RYR2: variants seen among roughly 807,000 people sequenced by gnomAD.
The protein encoded by RYR2 is ryanodine receptor 2.
RYR2 carries 227 observed loss-of-function variants against 601.1 expected under a neutral mutation model. The observed-to-expected ratio is 0.38, with a 90% CI of 0.34 to 0.42. The LOEUF (loss-of-function observed/expected upper bound fraction) is 0.42, where lower values mean the gene tolerates loss of function less well. Among genes scored for constraint, RYR2 ranks in the 10% least tolerant of loss-of-function variants. The pLI is 1.00. For synonymous variants in RYR2, 2,223 were observed against 2,175.1 expected (o/e 1.02, Z -0.61); for missense variants, 4,646 against 6,156.5 (o/e 0.75, Z 8.21).
chr1:237,389,367 C>T (rs938375217), intron 10 of RYR2, among the ~76,000 whole-genome samples: 3 of 152,072 alleles, frequency 2.0e-5, no homozygotes, highest in Non-Finnish European at 2.9e-5. Context: ...GTGCCATTCC[C>T]GTGGGCTGGC....
rs1571990756 is a variant in RYR2 at position 237,364,348 on chromosome 1, G to A, written c.295-10G>A. On this transcript the variant is annotated splice_polypyrimidine_tract_variant and intron_variant, in intron 4 of 104. Transcript: ENST00000366574. ...TTAATGTTTCCTCTCTTTTCCTTATGCCCCTACAGAAATTCATGATGAAGG... is the reference window on the plus strand; with the variant it reads ...TTAATGTTTCCTCTCTTTTCCTTATACCCCTACAGAAATTCATGATGAAGG... The A allele has an allele frequency of 1.3e-6, 2 of 1,574,962 alleles. No homozygotes were observed. Among genetic ancestry groups the A allele is most frequent in the Non-Finnish European group, 1.7e-6 (2 of 1,156,340 alleles).
intron 1 of RYR2, among the ~76,000 whole-genome samples, chr1:237,128,012 A>C (rs1175264322): frequency 2.6e-5 from 4 of 152,208 alleles, no homozygotes; most frequent in African/African-American, 7.2e-5. Flanking sequence ...CAATCTCGGC[A>C]CTTTGGGAGG....
intron 36 of RYR2, 23 bp downstream of exon 36, chr1:237,611,011 C>T (rs1677797794): frequency 6.3e-7 from 1 of 1,594,394 alleles, no homozygotes; most frequent in Admixed American, 1.7e-5. Context: ...GAATCCCTGA[C>T]ATTCTGATTG....
chr1:237,433,871 T>TA (rs779079846), intron 12 of RYR2, among the ~76,000 whole-genome samples: 4 of 152,038 alleles, frequency 2.6e-5, no homozygotes, highest in African/African-American at 4.8e-5. Flanking sequence ...GGCAAACACT[T>TA]AAAAAAAATG....
intron 81 of RYR2, 57 bp from the exon 82 acceptor site, chr1:237,757,640 T>C (rs1693066213): frequency 1.8e-6 from 2 of 1,084,372 alleles, no homozygotes; most frequent in Non-Finnish European, 1.4e-6. Context: ...GGAGGTAGAA[T>C]AGGTTAATAT....
At chr1:237,328,726 A>G (rs1696404487) in intron 2 of RYR2, among the ~76,000 whole-genome samples, 1 of 152,028 alleles carries the variant, frequency 6.6e-6, no homozygotes, top group Non-Finnish European at 1.5e-5. Flanking sequence ...TAATTTGAGA[A>G]CTCTAGTACT....
Position 237,614,254 on chromosome 1 carries a change from T to C in RYR2, c.5126T>C (p.Ile1709Thr). The change falls in exon 37 of 105, where the codon ATC (isoleucine) becomes ACC (threonine). Residue 1709 changes from isoleucine to threonine, a missense_variant. Around this residue, in one of 17 missense-constraint regions of RYR2, gnomAD observed 1,807 missense variants for 2,088.1 expected, o/e 0.87. Transcript: ENST00000366574. The surrounding 1 kb of genome is among the most constrained non-coding windows in gnomAD (Gnocchi z 4.3). ...GGCTACTATGACCTGCTGATTGACA[T>C]CCACCTGAGCTCCTATGCCACTGCC... ...RAGYYDLLIDIHLSSYATARL... is the reference protein window; with the variant it reads ...RAGYYDLLIDTHLSSYATARL... 1 of 1,614,020 alleles carries C rather than the reference T, an allele frequency of 6.2e-7. No individual in the cohort carries two copies. Among genetic ancestry groups the C allele is most frequent in the Non-Finnish European group, 8.5e-7 (1 of 1,179,892 alleles).
intron 12 of RYR2, among the ~76,000 whole-genome samples, chr1:237,426,970 C>T (rs1572271161): frequency 6.6e-6 from 1 of 152,114 alleles, no homozygotes; most frequent in Non-Finnish European, 1.5e-5. Flanking sequence ...ACGGTAGGTG[C>T]TCCAGTTGCC....
At chr1:237,451,580 C>CAAAAA (rs3035864) in intron 14 of RYR2, among the ~76,000 whole-genome samples, 4 of 120,028 alleles carry the variant, frequency 3.3e-5, no homozygotes, top group African/African-American at 6.3e-5. Context: ...AACTCTGTCT[C>CAAAAA]AAAAAAAAAA....
intron 29 of RYR2, among the ~76,000 whole-genome samples, chr1:237,588,642 G>A (rs1987939): frequency 0.51 from 77,470 of 151,826 alleles, 20,093 homozygotes; most frequent in South Asian, 0.66. Context: ...AGACCAGCCT[G>A]GCCAACATGG....
chr1:237,711,729 C>T lies in RYR2; in HGVS notation c.10231-16C>T. ...TTTAAGTGGTTTTAACTGAAATTTCCTTTGCAACTTCTCAGAATTTCAAAA... is the reference window on the plus strand; with the variant it reads ...TTTAAGTGGTTTTAACTGAAATTTCTTTTGCAACTTCTCAGAATTTCAAAA... On this transcript the variant is annotated splice_polypyrimidine_tract_variant and intron_variant, in intron 70 of 104. Coordinates refer to ENST00000366574, the MANE Select transcript of RYR2 (RefSeq NM_001035.3). The T allele has an allele frequency of 6.9e-7, 1 of 1,444,094 alleles. No individual in the cohort carries two copies. Among genetic ancestry groups the T allele is most frequent in the Non-Finnish European group, 9.7e-7 (1 of 1,034,378 alleles). The allele number at this position is 1,444,094 out of a possible 1,614,324, so 89.5% of individuals were successfully genotyped here.
intron 8 of RYR2, among the ~76,000 whole-genome samples, chr1:237,382,484 G>A (rs1318911001): frequency 6.6e-6 from 1 of 151,580 alleles, no homozygotes; most frequent in African/African-American, 2.4e-5. Flanking sequence ...CCATTAACTT[G>A]TCATTTACAT....
At chr1:237,787,831 T>C (rs1411527034) in intron 91 of RYR2, 157 bp from the exon 92 acceptor site, 1 of 702,530 alleles carries the variant, frequency 1.4e-6, no homozygotes, top group Admixed American at 2.9e-5. Context: ...TACCCCTGAT[T>C]CTAAAATTCA....
chr1:237,620,179 A>T (rs1383503164), intron 38 of RYR2, among the ~76,000 whole-genome samples: 1 of 152,212 alleles, frequency 6.6e-6, no homozygotes, highest in Non-Finnish European at 1.5e-5. Context: ...AGAGGAGAAT[A>T]AAGGAACAGA....
chr1:237,493,958 GA>G (rs1663731780), intron 19 of RYR2, among the ~76,000 whole-genome samples: 1 of 152,096 alleles, frequency 6.6e-6, no homozygotes, highest in Non-Finnish European at 1.5e-5. Flanking sequence ...GCTTTCCTAG[GA>G]ACCATGATGA....
chr1:237,541,747 G>C (rs1370942324), intron 25 of RYR2, among the ~76,000 whole-genome samples: 1 of 152,124 alleles, frequency 6.6e-6, no homozygotes, highest in African/African-American at 2.4e-5. Context: ...AGTCAAAGGG[G>C]ATTTGTTCTC....
At chr1:237,594,886 G>GTTTTTTTTTTTTTTTTTTTTTTTTTTTT (rs776702428) in intron 33 of RYR2, among the ~76,000 whole-genome samples, 1 of 60,420 alleles carries the variant, frequency 1.7e-5, no homozygotes, top group African/African-American at 9.5e-5. Context: ...ATATCACTGG[G>GTTTTTTTTTTTTTTTTTTTTTTTTTTTT]TTTTTTTTTT....
chr1:237,385,964 G>A (rs1288040218), intron 8 of RYR2, among the ~76,000 whole-genome samples: 1 of 152,166 alleles, frequency 6.6e-6, no homozygotes, highest in East Asian at 1.9e-4. Context: ...TAAAGCAGAT[G>A]GGATATGATT....
rs1431513483 is a variant in RYR2 at position 237,714,995 on chromosome 1, A to T, written c.10324-2203A>T. 9.0e-3 allele frequency among the ~76,000 whole-genome samples: 926 copies of T among 102,912 alleles called. 61 individuals carry two copies. Among genetic ancestry groups the T allele is most frequent in the Middle Eastern group, 0.016 (3 of 190 alleles). 67.5% of individuals were successfully genotyped at this position (102,912 alleles called of 152,430 possible). On this transcript the variant is annotated intron_variant, in intron 71 of 104. Coordinates refer to ENST00000366574, the MANE Select transcript of RYR2 (RefSeq NM_001035.3). ...TGACAGAGCGAGACTCCATCTCAAA[A>T]AAAAAAAAAAAAAAAAAAAAAAAAA...
Sources: gnomAD v4.1 joint callset for allele counts (sites outside exome capture counted in the v4.1 genomes callset) on GRCh38, gnomAD v4.1.1 for gene constraint, gnomAD v4.1.1 regional missense constraint, Gnocchi (gnomAD v3.1) non-coding constraint, MANE v1.5 for transcripts, NCBI Gene and HGNC (gene_info 2026-07-23, HGNC 2026-07-21) for gene names.